The following ABCB5 variants were observed in gnomAD, a reference collection of about 807,000 sequenced individuals.
ABCB5 encodes ATP binding cassette subfamily B member 5, also known as ATP-binding cassette sub-family B member 5.
Under a neutral mutation model 144.2 loss-of-function variants are expected in ABCB5, and 155 were observed. The observed-to-expected ratio is 1.08, with a 90% CI of 0.94 to 1.23. ABCB5 has a LOEUF of 1.23. Among genes scored for constraint, ABCB5 ranks in the 50% most tolerant of loss-of-function variants. ABCB5 has a pLI of 0.00. For missense variants in ABCB5, 1,830 were observed against 1,520.8 expected (o/e 1.20, Z -3.38); for synonymous variants, 610 against 528.6 (o/e 1.15, Z -2.11).
intron 13 of ABCB5, among the ~76,000 whole-genome samples, chr7:20,658,142 C>A (rs939034972): frequency 3.3e-5 from 5 of 151,978 alleles, no homozygotes; most frequent in Admixed American, 3.3e-4. Context: ...ATAAACACTG[C>A]AGAAAATAGG....
intron 20 of ABCB5, among the ~76,000 whole-genome samples, chr7:20,713,687 G>A (rs1209049157): frequency 1.3e-5 from 2 of 149,572 alleles, no homozygotes; most frequent in Middle Eastern, 3.2e-3. Flanking sequence ...TTGGTTTTAA[G>A]GTTTGTCAAG....
intron 3 of ABCB5, among the ~76,000 whole-genome samples, chr7:20,627,552 G>C (rs556925634): frequency 4.6e-4 from 70 of 151,742 alleles, no homozygotes; most frequent in African/African-American, 1.6e-3. Flanking sequence ...TTTCAATTTT[G>C]CTCATGATTT....
chr7:20,683,596 T>C (rs1785895511), intron 15 of ABCB5, among the ~76,000 whole-genome samples: 1 of 152,154 alleles, frequency 6.6e-6, no homozygotes, highest in East Asian at 1.9e-4. Flanking sequence ...AAAGCAAAAA[T>C]GGTGTGTTTG....
intron 20 of ABCB5, among the ~76,000 whole-genome samples, chr7:20,709,691 A>T (rs1786946081): frequency 6.7e-6 from 1 of 150,202 alleles, no homozygotes; most frequent in Non-Finnish European, 1.5e-5. Context: ...GAAGCAGGGT[A>T]AAGTGATGAG....
chr7:20,698,647 G>A, intron 17 of ABCB5, 97 bp downstream of exon 17: 5 of 1,248,506 alleles, frequency 4.0e-6, no homozygotes, highest in Non-Finnish European at 5.4e-6. Context: ...GGGGAAAATT[G>A]GGACTTTTAG....
chr7:20,673,213 T>C (rs944502436), intron 14 of ABCB5, among the ~76,000 whole-genome samples: 3 of 152,134 alleles, frequency 2.0e-5, no homozygotes, highest in African/African-American at 7.2e-5. Context: ...GTAAATGTTT[T>C]GTGTACACTT....
At chr7:20,663,834 C>A (rs923241055) in intron 14 of ABCB5, among the ~76,000 whole-genome samples, 4 of 151,396 alleles carry the variant, frequency 2.6e-5, no homozygotes, top group African/African-American at 4.8e-5. Context: ...TCCTGCCTCA[C>A]CCTCCAGAGT....
intron 7 of ABCB5, among the ~76,000 whole-genome samples, chr7:20,644,075 T>C (rs1217817456): frequency 1.3e-5 from 2 of 150,044 alleles, no homozygotes; most frequent in Admixed American, 1.3e-4. Context: ...TTAAAGTTTA[T>C]GTATATATGT....
chr7:20,689,153 G>C (rs1045861203), intron 16 of ABCB5, among the ~76,000 whole-genome samples: 2 of 152,018 alleles, frequency 1.3e-5, no homozygotes. Context: ...AGAAAGTTAA[G>C]ACACCTCTAA....
chr7:20,630,882 C>A (rs1240128679), intron 4 of ABCB5, among the ~76,000 whole-genome samples: 1 of 152,076 alleles, frequency 6.6e-6, no homozygotes, highest in Non-Finnish European at 1.5e-5. Context: ...TCGCCAGTTT[C>A]CTGGTTTTAT....
intron 14 of ABCB5, chr7:20,666,666 G>A: frequency 6.8e-7 from 1 of 1,475,222 alleles, no homozygotes; most frequent in South Asian, 1.5e-5. Flanking sequence ...CCTTTGTTTG[G>A]TCAAATACCT....
chr7:20,664,826 C>T (rs1034347981), intron 14 of ABCB5, among the ~76,000 whole-genome samples: 1 of 152,172 alleles, frequency 6.6e-6, no homozygotes, highest in East Asian at 1.9e-4. Context: ...AGTGGTGGCT[C>T]ACACTGTAAT....
rs952170944 is a variant in ABCB5, at chr7:20,721,561, G to A, written c.2422-1455G>A. On this transcript the variant is annotated intron_variant, in intron 20 of 27. Coordinates refer to ENST00000404938, the MANE Select transcript of ABCB5 (RefSeq NM_001163941.2). Reference sequence around the variant, plus strand: ...CTTCCCTTCTGCCCTACTGTTTCCTGTCCATGTTGGTTTCCTTTCCATAGC... The same window carrying A: ...CTTCCCTTCTGCCCTACTGTTTCCTATCCATGTTGGTTTCCTTTCCATAGC... 9.6e-4 allele frequency among the ~76,000 whole-genome samples: 146 copies of A among 152,138 alleles called. 1 individual carries two copies. Among genetic ancestry groups the A allele is most frequent in the African/African-American group, 2.7e-3 (112 of 41,474 alleles).
chr7:20,747,578 G>A (rs954462892), intron 26 of ABCB5, among the ~76,000 whole-genome samples: 1 of 152,066 alleles, frequency 6.6e-6, no homozygotes, highest in Non-Finnish European at 1.5e-5. Flanking sequence ...TTCTTAAATT[G>A]TTTATTATCT....
chr7:20,632,143 T>A, intron 5 of ABCB5, 30 bp downstream of exon 5: 1 of 1,411,038 alleles, frequency 7.1e-7, no homozygotes, highest in Admixed American at 2.8e-5. Context: ...TAATATCACA[T>A]TCGTTGAATG....
intron 14 of ABCB5, among the ~76,000 whole-genome samples, chr7:20,670,632 G>A (rs115760112): frequency 0.011 from 1,703 of 152,292 alleles, 28 homozygotes; most frequent in South Asian, 0.045. Context: ...CAAGCTGGCC[G>A]GGTGCGGTGG....
At chr7:20,658,465 G>A (rs10232194) in intron 13 of ABCB5, 41 bp from the exon 14 acceptor site, 266 of 1,591,062 alleles carry the variant, frequency 1.7e-4, no homozygotes, top group Middle Eastern at 8.4e-4. Flanking sequence ...ATTTGATCAC[G>A]CTGCCTTCTG....
chr7:20,691,474 AG>A (rs1198448251), intron 16 of ABCB5, among the ~76,000 whole-genome samples: 1 of 152,038 alleles, frequency 6.6e-6, no homozygotes, highest in Non-Finnish European at 1.5e-5. Flanking sequence ...TACCAGAGGC[AG>A]GGTATATATC....
chr7:20,726,016 A>G (rs1459702098), intron 21 of ABCB5, among the ~76,000 whole-genome samples: 2 of 152,156 alleles, frequency 1.3e-5, no homozygotes, highest in Non-Finnish European at 2.9e-5. Context: ...CATTCTGCCA[A>G]TCTGGAAACA....
Sources: allele counts gnomAD v4.1 joint callset (sites outside exome capture counted in the v4.1 genomes callset), GRCh38; gene constraint gnomAD v4.1.1; transcripts MANE v1.5; gene names NCBI Gene and HGNC (gene_info 2026-07-23, HGNC 2026-07-21).